TTC28: variants seen among roughly 807,000 people sequenced by gnomAD.
The protein encoded by TTC28 is tetratricopeptide repeat domain 28.
TTC28 carries 61 observed loss-of-function variants against 198.0 expected under a neutral mutation model. That is an observed-to-expected ratio of 0.31 (90% CI 0.25 to 0.38). The LOEUF (loss-of-function observed/expected upper bound fraction) is 0.38, where lower values mean the gene tolerates loss of function less well. Among genes scored for constraint, TTC28 ranks in the 10% least tolerant of loss-of-function variants. TTC28 has a pLI of 1.00. For missense variants in TTC28, 2,678 were observed against 3,164.0 expected, an observed-to-expected ratio of 0.85 and a Z score of 3.69; for synonymous variants, 1,171 against 1,297.8, an observed-to-expected ratio of 0.90 and a Z score of 2.10.
At chr22:28,386,973 C>A (rs1362899847) in intron 2 of TTC28, among the ~76,000 whole-genome samples, 1 of 152,140 alleles carries the variant, frequency 6.6e-6, no homozygotes, top group Non-Finnish European at 1.5e-5. Context: ...AGGTATATCA[C>A]CCAATGCTAT....
At chr22:28,618,824 A>G (rs2050944886) in intron 2 of TTC28, among the ~76,000 whole-genome samples, 1 of 152,170 alleles carries the variant, frequency 6.6e-6, no homozygotes, top group Non-Finnish European at 1.5e-5. Flanking sequence ...GCTTGCTTAT[A>G]GTAAATGCCC....
chr22:28,437,323 T>C (rs2146215572), intron 2 of TTC28, among the ~76,000 whole-genome samples: 1 of 152,266 alleles, frequency 6.6e-6, no homozygotes, highest in East Asian at 1.9e-4. Context: ...CCTCAAGTGA[T>C]CCACGCGCCT....
intron 5 of TTC28, among the ~76,000 whole-genome samples, chr22:28,244,216 A>C (rs998613854): frequency 4.7e-4 from 71 of 152,060 alleles, no homozygotes; most frequent in African/African-American, 1.6e-3. Context: ...GCCTGAGGGG[A>C]GTGACAGAAT....
chr22:28,064,161 G>C (rs999410414), intron 12 of TTC28, among the ~76,000 whole-genome samples: 3 of 152,186 alleles, frequency 2.0e-5, no homozygotes, highest in African/African-American at 7.2e-5. Flanking sequence ...ATGGATGAGG[G>C]AAAAGTGAAA....
At position 28,527,853 on chromosome 22, in the gene TTC28, G is replaced by C. The variant is rs548657759; in HGVS notation, c.381+101699C>G. 2.6e-5 allele frequency among the ~76,000 whole-genome samples: 4 copies of C among 152,202 alleles called. No individual in the cohort carries two copies. In the South Asian group the frequency reaches 8.3e-4, roughly 32 times the overall value. ...TCACCATGTTGCCCAGGCTGGTCTT[G>C]AACTCCTAGCCTCAAGTGATCCTCC... is the stretch of plus-strand genomic sequence containing the variant. On this transcript the variant is annotated intron_variant, in intron 2 of 22. Transcript: ENST00000397906.
intron 2 of TTC28, among the ~76,000 whole-genome samples, chr22:28,628,140 C>T (rs1437787564): frequency 6.6e-6 from 1 of 152,054 alleles, no homozygotes; most frequent in Non-Finnish European, 1.5e-5. Context: ...AAGGGATCCT[C>T]CCACCTCAGC....
At chr22:28,169,916 T>C (rs906695847) in intron 5 of TTC28, among the ~76,000 whole-genome samples, 1 of 151,806 alleles carries the variant, frequency 6.6e-6, no homozygotes, top group Non-Finnish European at 1.5e-5. Context: ...AAAAAAAAAA[T>C]TTTGCAGGTT....
At chr22:28,538,646 G>A (rs556750806) in intron 2 of TTC28, among the ~76,000 whole-genome samples, 3 of 149,004 alleles carry the variant, frequency 2.0e-5, no homozygotes, top group Non-Finnish European at 4.4e-5. Flanking sequence ...TGCAACCTCG[G>A]CCTCCCAAGT....
chr22:28,636,316 G>A (rs577837892), intron 1 of TTC28, among the ~76,000 whole-genome samples: 3 of 151,584 alleles, frequency 2.0e-5, no homozygotes, highest in East Asian at 1.9e-4. Context: ...TAGTAGAGAC[G>A]GGGTTTCACC....
intron 2 of TTC28, among the ~76,000 whole-genome samples, chr22:28,337,689 CTTGGT>C: frequency 6.6e-6 from 1 of 152,086 alleles, no homozygotes; most frequent in African/African-American, 2.4e-5. Context: ...TTTCCATTTG[CTTGGT>C]AGATGTTCCT....
In TTC28 at chr22:28,100,074, T is replaced by G. The variant is rs192067051; in HGVS notation, c.3418-1030A>C. ...CTGACTCTGATATTTTCCTTTTTTTTCCCCCTCATGCCACACTGTCTAAGA... is the reference window on the plus strand; with the variant it reads ...CTGACTCTGATATTTTCCTTTTTTTGCCCCCTCATGCCACACTGTCTAAGA... On this transcript the variant is annotated intron_variant, in intron 9 of 22. Coordinates refer to ENST00000397906, the MANE Select transcript of TTC28 (RefSeq NM_001145418.2). Among the ~76,000 whole-genome samples the G allele has an allele frequency of 9.5e-4, 144 of 152,252 alleles. 1 individual carries two copies. Among genetic ancestry groups the G allele is most frequent in the African/African-American group, 3.3e-3 (137 of 41,544 alleles).
chr22:28,314,891 T>A (rs1016587949), intron 2 of TTC28, among the ~76,000 whole-genome samples: 3 of 151,892 alleles, frequency 2.0e-5, no homozygotes, highest in East Asian at 3.9e-4. Context: ...AGAAAAAAAA[T>A]TCTCCAAGTT....
At chr22:28,649,175 T>C (rs1325083803) in intron 1 of TTC28, among the ~76,000 whole-genome samples, 1 of 151,972 alleles carries the variant, frequency 6.6e-6, no homozygotes, top group Non-Finnish European at 1.5e-5. Flanking sequence ...CACAAAGACA[T>C]ATAGAGTGGT....
chr22:28,014,227 G>A (rs1378860597), intron 14 of TTC28, 21 bp downstream of exon 14: 2 of 1,543,860 alleles, frequency 1.3e-6, no homozygotes, highest in Non-Finnish European at 8.7e-7. Context: ...GAGGAGCCTT[G>A]TGCCCCCAGG....
intron 12 of TTC28, among the ~76,000 whole-genome samples, chr22:28,049,191 C>T (rs946823740): frequency 6.6e-6 from 1 of 152,162 alleles, no homozygotes; most frequent in Non-Finnish European, 1.5e-5. Flanking sequence ...TGAAGGCCTC[C>T]TTGACCTCAT....
chr22:28,608,493 G>T (rs960758463), intron 2 of TTC28, among the ~76,000 whole-genome samples: 11 of 152,166 alleles, frequency 7.2e-5, no homozygotes, highest in Non-Finnish European at 1.6e-4. Flanking sequence ...TACATATCAG[G>T]TAAACAAGAG....
intron 3 of TTC28, among the ~76,000 whole-genome samples, chr22:28,298,240 T>A (rs1371225916): frequency 6.6e-6 from 1 of 152,232 alleles, no homozygotes; most frequent in Non-Finnish European, 1.5e-5. Flanking sequence ...AATCTGTGTA[T>A]CCAAACTTGT....
chr22:28,218,997 T>C (rs565983361), intron 5 of TTC28, among the ~76,000 whole-genome samples: 3 of 152,010 alleles, frequency 2.0e-5, no homozygotes, highest in South Asian at 2.1e-4. Flanking sequence ...AGTATTATTA[T>C]GAAAATAGTT....
At chr22:28,429,395 G>C (rs1429447943) in intron 2 of TTC28, among the ~76,000 whole-genome samples, 1 of 152,144 alleles carries the variant, frequency 6.6e-6, no homozygotes, top group Non-Finnish European at 1.5e-5. Flanking sequence ...CTGGCATCAA[G>C]GGATATAGAA....
Sources: gnomAD v4.1 joint callset for allele counts (sites outside exome capture counted in the v4.1 genomes callset) on GRCh38, gnomAD v4.1.1 for gene constraint, MANE v1.5 for transcripts, NCBI Gene and HGNC (gene_info 2026-07-23, HGNC 2026-07-21) for gene names.